The following PLD5 variants were observed in gnomAD, a reference collection of about 807,000 sequenced individuals.
PLD5 encodes the protein phospholipase D family member 5.
Under a neutral mutation model 61.1 loss-of-function variants are expected in PLD5, and 36 were observed. That is an observed-to-expected ratio of 0.59 (90% CI 0.45 to 0.78). The LOEUF (loss-of-function observed/expected upper bound fraction) is 0.78, where lower values mean the gene tolerates loss of function less well. Among genes scored for constraint, PLD5 ranks in the 30% least tolerant of loss-of-function variants. The pLI is 0.00. For synonymous variants in PLD5, 243 were observed against 242.8 expected, an observed-to-expected ratio of 1.00 and a Z score of -0.01; for missense variants, 515 against 644.4, an observed-to-expected ratio of 0.80 and a Z score of 2.17.
chr1:242,400,142 T>A (rs1663838571), intron 1 of PLD5, among the ~76,000 whole-genome samples: 1 of 151,586 alleles, frequency 6.6e-6, no homozygotes, highest in African/African-American at 2.4e-5. Flanking sequence ...CACTCCAGCC[T>A]GAGCGACAAG....
intron 1 of PLD5, among the ~76,000 whole-genome samples, chr1:242,481,540 G>T (rs1361451656): frequency 1.3e-5 from 2 of 152,354 alleles, no homozygotes; most frequent in East Asian, 3.9e-4. Context: ...TGAGGCTTGA[G>T]TAGGTAAACA....
At chr1:242,238,549 C>T (rs573429196) in intron 4 of PLD5, among the ~76,000 whole-genome samples, 11 of 152,178 alleles carry the variant, frequency 7.2e-5, no homozygotes, top group African/African-American at 1.2e-4. Context: ...GGAGTTTCCA[C>T]GGTCTAAGTA....
At chr1:242,344,162 T>A (rs1659998340) in intron 2 of PLD5, among the ~76,000 whole-genome samples, 1 of 152,212 alleles carries the variant, frequency 6.6e-6, no homozygotes, top group South Asian at 2.1e-4. Context: ...TTCCTTAATT[T>A]TTGTTGCTAT....
chr1:242,434,931 T>C (rs1016749366), intron 1 of PLD5, among the ~76,000 whole-genome samples: 20 of 152,282 alleles, frequency 1.3e-4, no homozygotes, highest in Middle Eastern at 3.4e-3. Flanking sequence ...GTTTGTTACA[T>C]AGGTAAACAT....
chr1:242,162,794 G>A (rs1200471383), intron 5 of PLD5, among the ~76,000 whole-genome samples: 1 of 152,132 alleles, frequency 6.6e-6, no homozygotes, highest in Non-Finnish European at 1.5e-5. Flanking sequence ...AGAATAGACA[G>A]ACAGCTCCAG....
intron 4 of PLD5, among the ~76,000 whole-genome samples, chr1:242,252,943 A>G (rs1385086256): frequency 1.3e-5 from 2 of 150,282 alleles, no homozygotes; most frequent in Admixed American, 6.7e-5. Context: ...CAGCCTCCCG[A>G]GTAGCTGGGA....
Position 242,107,429 on chromosome 1 carries a change from A to T in PLD5, c.1239+242T>A, listed in dbSNP as rs1168593457. The stretch of plus-strand genomic sequence containing the variant: ...CCTATCTCAAGAAAAAAAAGAAAAA[A>T]GAAAATGGAAAGGATGCAACAGAAA... On this transcript the variant is annotated intron_variant, in intron 8 of 9. Transcript: ENST00000536534. Among the ~76,000 whole-genome samples, 7 of 149,676 alleles carry T rather than the reference A, an allele frequency of 4.7e-5. No individual in the cohort carries two copies. The Admixed American group carries it at 4.7e-4, about 10-fold the overall frequency.
intron 1 of PLD5, among the ~76,000 whole-genome samples, chr1:242,433,552 T>A (rs1558562752): frequency 6.6e-6 from 1 of 152,224 alleles, no homozygotes; most frequent in Non-Finnish European, 1.5e-5. Flanking sequence ...ATTCAATAAA[T>A]ATTTATCGAA....
In PLD5 at chr1:242,144,737, C is replaced by T. The variant is rs146946119; in HGVS notation, c.736-20072G>A. Among the ~76,000 whole-genome samples the T allele has an allele frequency of 3.7e-3, 569 of 152,106 alleles. 3 individuals carry two copies. The highest frequency in any genetic ancestry group is 0.013 in the African/African-American group (540 of 41,498). On this transcript the variant is annotated intron_variant, in intron 5 of 9. Coordinates refer to ENST00000536534, the MANE Select transcript of PLD5 (RefSeq NM_001372062.1). ...CAGAGGTTGAAGTGAGCTGAGATTG[C>T]GCCACTGTACTCCAGCCTGGGTGAC... is the stretch of plus-strand genomic sequence containing the variant.
At chr1:242,525,653 T>C (rs919172589), upstream of PLD5, among the ~76,000 whole-genome samples, 61 of 152,302 alleles carry the variant, frequency 4.0e-4, no homozygotes, top group African/African-American at 1.4e-3. Context: ...GGGAAGTGTA[T>C]GGAAGCTGGA....
rs189279685 is a variant in PLD5, at chr1:242,475,977, A to T, written c.189+48111T>A. 3.9e-5 allele frequency among the ~76,000 whole-genome samples: 6 copies of T among 152,240 alleles called. No homozygotes were observed. The East Asian group carries it at 1.2e-3, about 29-fold the overall frequency. On this transcript the variant is annotated intron_variant, in intron 1 of 9. Coordinates refer to ENST00000536534, the MANE Select transcript of PLD5 (RefSeq NM_001372062.1). ...CAGTCTTGGACTCCCAGCCTCCAGA[A>T]CTGTAGGAAACTAAATTTATCTTGT...
chr1:242,413,163 G>A (rs1163793619), intron 1 of PLD5, among the ~76,000 whole-genome samples: 2 of 152,120 alleles, frequency 1.3e-5, no homozygotes, highest in Admixed American at 1.3e-4. Flanking sequence ...CTCCAGTTCT[G>A]CTTTCTGGAG....
rs1469697326 is a variant in PLD5 at position 242,256,437 on chromosome 1, T to TG, written c.607+8899dup. Among the ~76,000 whole-genome samples, 1 of 152,210 alleles carries TG rather than the reference T, an allele frequency of 6.6e-6. No individual in the cohort carries two copies. Among genetic ancestry groups the TG allele is most frequent in the Non-Finnish European group, 1.5e-5 (1 of 68,030 alleles). ...TTCCCACTGTGGCAGTATTAAGTGG[T>TG]GGGGTCTTTGGAAAGTGACTGAGTC... is the stretch of plus-strand genomic sequence containing the variant. On this transcript the variant is annotated intron_variant, in intron 4 of 9. Transcript: ENST00000536534. The surrounding 1 kb of genome is among the most constrained non-coding windows in gnomAD (Gnocchi z 5.7).
At position 242,107,990 on chromosome 1, in the gene PLD5, C is replaced by A. The variant is rs143511475; in HGVS notation, c.1071-151G>T. Reference sequence around the variant, plus strand: ...CTCATCGGAGAGGCTGAAAAACATACAAGCATCTTAGCTTAGGCACCAAGA... The same window carrying A: ...CTCATCGGAGAGGCTGAAAAACATAAAAGCATCTTAGCTTAGGCACCAAGA... On this transcript the variant is annotated intron_variant, in intron 7 of 9. Coordinates refer to ENST00000536534, the MANE Select transcript of PLD5 (RefSeq NM_001372062.1). The A allele has an allele frequency of 3.9e-5, 29 of 749,422 alleles. No homozygotes were observed. In the East Asian group the frequency reaches 8.1e-4, roughly 21 times the overall value. 46.4% of individuals were successfully genotyped at this position (749,422 alleles called of 1,614,324 possible).
intron 1 of PLD5, among the ~76,000 whole-genome samples, chr1:242,474,867 A>G (rs1667540665): frequency 6.6e-6 from 1 of 152,188 alleles, no homozygotes. Context: ...TATTGATTGC[A>G]CTTTCTCTGT....
chr1:242,219,363 G>A (rs1286328453), intron 5 of PLD5, among the ~76,000 whole-genome samples: 1 of 152,128 alleles, frequency 6.6e-6, no homozygotes, highest in East Asian at 1.9e-4. Context: ...GTATGCTGGA[G>A]TGTTGATTTA....
chr1:242,279,465 C>A (rs546898573), intron 3 of PLD5, among the ~76,000 whole-genome samples: 2 of 152,176 alleles, frequency 1.3e-5, no homozygotes, highest in East Asian at 3.9e-4. Context: ...GACTGGCAGC[C>A]ACAGTTGAAA....
intron 2 of PLD5, among the ~76,000 whole-genome samples, chr1:242,305,105 C>T (rs985673301): frequency 4.6e-5 from 7 of 151,782 alleles, no homozygotes; most frequent in African/African-American, 1.5e-4. Flanking sequence ...GACCCTTTCT[C>T]AAAAAATAAA....
At chr1:242,164,333 T>C (rs1666139893) in intron 5 of PLD5, among the ~76,000 whole-genome samples, 1 of 152,040 alleles carries the variant, frequency 6.6e-6, no homozygotes, top group Non-Finnish European at 1.5e-5. Context: ...AAAGTATCTA[T>C]GCTTTATCCA....
Sources: gnomAD v4.1 joint callset for allele counts (sites outside exome capture counted in the v4.1 genomes callset) on GRCh38, gnomAD v4.1.1 for gene constraint, Gnocchi (gnomAD v3.1) non-coding constraint, MANE v1.5 for transcripts, NCBI Gene and HGNC (gene_info 2026-07-23, HGNC 2026-07-21) for gene names.